Variants in ACOX3 observed in about 807,000 individuals in gnomAD.
The protein encoded by ACOX3 is acyl-CoA oxidase 3, pristanoyl.
In ACOX3, 73 loss-of-function variants were observed where a neutral mutation model predicts 81.5. The observed-to-expected ratio is 0.90, with a 90% CI of 0.74 to 1.09. ACOX3 has a LOEUF of 1.09. Ranked by LOEUF, ACOX3 falls within the 50% of genes least tolerant of loss-of-function variation. ACOX3 has a pLI of 0.00. For missense variants in ACOX3, 947 were observed against 928.0 expected, an observed-to-expected ratio of 1.02 and a Z score of -0.27; for synonymous variants, 387 against 375.1, an observed-to-expected ratio of 1.03 and a Z score of -0.37.
chr4:8,371,706 C>T (rs1355633910), intron 16 of ACOX3, among the ~76,000 whole-genome samples: 1 of 152,274 alleles, frequency 6.6e-6, no homozygotes, highest in East Asian at 1.9e-4. Flanking sequence ...CCGCGCTCTG[C>T]AGGGCGTGGC....
chr4:8,404,329 C>T (rs1720691388), intron 7 of ACOX3, among the ~76,000 whole-genome samples: 1 of 152,128 alleles, frequency 6.6e-6, no homozygotes, highest in South Asian at 2.1e-4. Context: ...CCAGCTCCAA[C>T]ATTAACTAGC....
chr4:8,418,491 C>G (rs1032832714), intron 1 of ACOX3, among the ~76,000 whole-genome samples: 1 of 150,106 alleles, frequency 6.7e-6, no homozygotes, highest in African/African-American at 2.5e-5. Flanking sequence ...TCTTAAGACT[C>G]AATAATAAAA....
chr4:8,392,570 C>T (rs751802398), intron 10 of ACOX3, 117 bp from the exon 11 acceptor site: 9 of 1,157,218 alleles, frequency 7.8e-6, no homozygotes, highest in Non-Finnish European at 1.0e-5. Flanking sequence ...CAAGACATCC[C>T]GAAAATGACA....
intron 7 of ACOX3, among the ~76,000 whole-genome samples, chr4:8,402,122 C>T (rs1578933484): frequency 6.6e-6 from 1 of 152,362 alleles, no homozygotes; most frequent in Middle Eastern, 3.4e-3. Flanking sequence ...AGGCCATGAT[C>T]CTGACTCCCA....
Position 8,405,906 on chromosome 4 carries a change from G to C in ACOX3, c.776+49C>G. On this transcript the variant is annotated intron_variant, in intron 7 of 17. Transcript: ENST00000356406. This position sits in a 1 kb window ranked among gnomAD's most constrained non-coding sequence, Gnocchi z 7.1. ...GATCTCAGACATGAGCGACAACGCA[G>C]CCTGGGCCTTGGCAGGAAGCTCAGG... The C allele has an allele frequency of 6.4e-7, 1 of 1,558,206 alleles. No individual in the cohort carries two copies. The highest frequency in any genetic ancestry group is 8.9e-7 in the Non-Finnish European group (1 of 1,129,338).
At chr4:8,380,174 A>G (rs2108819011) in intron 14 of ACOX3, among the ~76,000 whole-genome samples, 1 of 147,844 alleles carries the variant, frequency 6.8e-6, no homozygotes, top group African/African-American at 2.5e-5. Context: ...TCAGTTATAA[A>G]TTCAATATGG....
Position 8,415,834 on chromosome 4 carries a change from G to A in ACOX3, c.310C>T (p.Pro104Ser), listed in dbSNP as rs148322745. The A allele has an allele frequency of 1.9e-6, 3 of 1,614,124 alleles. No homozygotes were observed. The highest frequency in any genetic ancestry group is 1.1e-5 in the South Asian group (1 of 91,080). ...ATGCCCAGGCACTGAATCAAGGCGG[G>A]GACCTTCAGAGGGCTCTTGAACATG... ...EDMFKSPLKV[P>S]ALIQCLGMYD... Residue 104 changes from proline (P) to serine (S), a missense_variant, in exon 3 of 18, where the codon CCC (proline) becomes TCC (serine). By Grantham distance (74) the Pro-to-Ser change is moderately conservative. Coordinates refer to ENST00000356406, the MANE Select transcript of ACOX3 (RefSeq NM_003501.3).
At chr4:8,420,113 G>A (rs1025011774) in intron 1 of ACOX3, among the ~76,000 whole-genome samples, 1 of 152,140 alleles carries the variant, frequency 6.6e-6, no homozygotes, top group Non-Finnish European at 1.5e-5. Context: ...GAGGAAACTG[G>A]AGCTTCTTAG....
chr4:8,397,140 A>T (rs778841818), intron 8 of ACOX3, 21 bp from the exon 9 acceptor site: 4 of 1,532,560 alleles, frequency 2.6e-6, no homozygotes, highest in Non-Finnish European at 3.5e-6. Context: ...GACACAGATG[A>T]TAAGCTCAAG....
chr4:8,367,222 G>T (rs827002), intron 17 of ACOX3, 142 bp from the exon 18 acceptor site: 1 of 1,110,646 alleles, frequency 9.0e-7, no homozygotes, highest in Non-Finnish European at 1.2e-6. Context: ...GCTCACGCCC[G>T]TAATCCCAGC....
intron 1 of ACOX3, among the ~76,000 whole-genome samples, chr4:8,429,985 G>A (rs780915696): frequency 6.6e-6 from 1 of 152,098 alleles, no homozygotes; most frequent in South Asian, 2.1e-4. Context: ...TAAAAGATGG[G>A]CAGTGCAGCT....
At position 8,394,857 on chromosome 4, in the gene ACOX3, G is replaced by A; in HGVS notation, c.1057-115C>T. ...GGCCGTCAGGGCCACACACCCACTAGCGCTGAAGGTCTTCACATGTCTTCC... is the reference window on the plus strand; with the variant it reads ...GGCCGTCAGGGCCACACACCCACTAACGCTGAAGGTCTTCACATGTCTTCC... On this transcript the variant is annotated intron_variant, in intron 9 of 17. Coordinates refer to ENST00000356406, the MANE Select transcript of ACOX3 (RefSeq NM_003501.3). The surrounding 1 kb of genome is among the most constrained non-coding windows in gnomAD (Gnocchi z 5.9). 7.4e-7 allele frequency: 1 copy of A among 1,350,932 alleles called. No homozygotes were observed. The highest frequency in any genetic ancestry group is 1.5e-5 in the African/African-American group (1 of 68,020). 83.7% of individuals were successfully genotyped at this position (1,350,932 alleles called of 1,614,324 possible). A position where few individuals can be genotyped will look rare whatever the true frequency, so the allele number is the denominator to read the frequency against.
Position 8,394,655 on chromosome 4 carries a change from G to C in ACOX3, c.1144C>G (p.Arg382Gly), listed in dbSNP as rs142042116. The C allele has an allele frequency of 1.9e-6, 3 of 1,613,730 alleles. No homozygotes were observed. The African/African-American group carries it at 4.0e-5, about 22-fold the overall frequency. The change falls in exon 10 of 18, where the codon CGA becomes GGA. Residue 382 changes from arginine to glycine, a missense_variant. Arg to Gly is a moderately radical substitution (Grantham distance 125). Coordinates refer to ENST00000356406, the MANE Select transcript of ACOX3 (RefSeq NM_003501.3). This position sits in a 1 kb window ranked among gnomAD's most constrained non-coding sequence, Gnocchi z 5.9. ...SLFLDLVELQ[R>G]GLASGDRSAR... is the part of the protein sequence containing the mutation. ...CTGCGGTCTCCCGATGCAAGTCCTC[G>C]CTGGAGCTCCACCAGGTCCAGGAAG...
At position 8,432,094 on chromosome 4, in the gene ACOX3, C is replaced by T. The variant is rs569412039; in HGVS notation, c.-15+8554G>A. On this transcript the variant is annotated intron_variant, in intron 1 of 17. Transcript: ENST00000356406. The surrounding 1 kb of genome is among the most constrained non-coding windows in gnomAD (Gnocchi z 6.2). ...GTCGTCACCACCACCCAGCAGCCAC[C>T]TCACTTCCCCTAGTCACATCACATT... is the stretch of plus-strand genomic sequence containing the variant. Among the ~76,000 whole-genome samples, 1 of 152,326 alleles carries T rather than the reference C, an allele frequency of 6.6e-6. No individual in the cohort carries two copies. The highest frequency in any genetic ancestry group is 6.5e-5 in the Admixed American group (1 of 15,304).
chr4:8,370,141 G>A lies in ACOX3; in HGVS notation c.1983+767C>T, dbSNP rs914052883. ...CAGCAATAGTCAGCTTATACTGAAA[G>A]AATGGAAGGCACTCCAGGCAGCCCG... is the stretch of plus-strand genomic sequence containing the variant. On this transcript the variant is annotated intron_variant, in intron 17 of 17. Transcript: ENST00000356406. The surrounding 1 kb of genome is among the most constrained non-coding windows in gnomAD (Gnocchi z 6.3). Among the ~76,000 whole-genome samples, 2 of 152,244 alleles carry A rather than the reference G, an allele frequency of 1.3e-5. No individual in the cohort carries two copies. The highest frequency in any genetic ancestry group is 4.8e-5 in the African/African-American group (2 of 41,470).
Position 8,399,237 on chromosome 4 carries a change from G to A in ACOX3, c.873+319C>T, listed in dbSNP as rs913947150. Among the ~76,000 whole-genome samples the A allele has an allele frequency of 3.9e-5, 6 of 152,140 alleles. No individual in the cohort carries two copies. The highest frequency in any genetic ancestry group is 6.5e-5 in the Admixed American group (1 of 15,286). ...TGTCGTCCCCCTTTGTGGACAGTTC[G>A]CCAGGAGACCCGTCTCCTTCAAATC... On this transcript the variant is annotated intron_variant, in intron 8 of 17. Coordinates refer to ENST00000356406, the MANE Select transcript of ACOX3 (RefSeq NM_003501.3). The surrounding 1 kb of genome is among the most constrained non-coding windows in gnomAD (Gnocchi z 4.9).
Position 8,416,318 on chromosome 4 carries a change from G to A in ACOX3, c.144+60C>T. The stretch of plus-strand genomic sequence containing the variant: ...CTGTGAGAGCCAGAAATCCCATTCT[G>A]CTAACGAACTAAGACCCCACTGGGA... On this transcript the variant is annotated intron_variant, in intron 2 of 17. Transcript: ENST00000356406. This position sits in a 1 kb window ranked among gnomAD's most constrained non-coding sequence, Gnocchi z 4.2. The A allele has an allele frequency of 3.1e-6, 5 of 1,612,400 alleles. No homozygotes were observed. The Admixed American group carries it at 6.7e-5, about 22-fold the overall frequency.
intron 11 of ACOX3, 48 bp downstream of exon 11, chr4:8,392,285 C>G (rs1719086347): frequency 7.1e-7 from 1 of 1,411,240 alleles, no homozygotes; most frequent in Non-Finnish European, 9.3e-7. Context: ...TAGAGTCAAA[C>G]AGCAGGGCTA....
At chr4:8,393,966 G>A (rs949584893) in intron 10 of ACOX3, among the ~76,000 whole-genome samples, 1 of 152,206 alleles carries the variant, frequency 6.6e-6, no homozygotes, top group Admixed American at 6.5e-5. Context: ...ATCATCTGCC[G>A]TGAATGTGGA....
Sources: allele counts gnomAD v4.1 joint callset (sites outside exome capture counted in the v4.1 genomes callset), GRCh38; gene constraint gnomAD v4.1.1; non-coding constraint Gnocchi (gnomAD v3.1); transcripts MANE v1.5; gene names NCBI Gene and HGNC (gene_info 2026-07-23, HGNC 2026-07-21).